Variants in TUSC3 observed in about 807,000 individuals in gnomAD.
TUSC3 encodes the protein tumor suppressor candidate 3, also known as dolichyl-diphosphooligosaccharide--protein glycosyltransferase subunit TUSC3.
TUSC3 carries 45 observed loss-of-function variants against 44.8 expected under a neutral mutation model. The observed-to-expected ratio is 1.00, with a 90% CI of 0.79 to 1.29. TUSC3 has a LOEUF of 1.29. Among genes scored for constraint, TUSC3 ranks in the 50% most tolerant of loss-of-function variants. The pLI, the probability that TUSC3 is intolerant of heterozygous loss-of-function variation, is 0.00. For synonymous variants in TUSC3, 212 were observed against 152.9 expected, an observed-to-expected ratio of 1.39 and a Z score of -2.85; for missense variants, 519 against 437.9, an observed-to-expected ratio of 1.19 and a Z score of -1.65.
At chr8:15,587,479 G>C (rs1235487627) in intron 1 of TUSC3, among the ~76,000 whole-genome samples, 1 of 152,082 alleles carries the variant, frequency 6.6e-6, no homozygotes, top group African/African-American at 2.4e-5. Context: ...AGTACGGAGT[G>C]ATATTTCCAT....
At chr8:15,615,066 C>A (rs1804932761) in intron 1 of TUSC3, among the ~76,000 whole-genome samples, 1 of 151,768 alleles carries the variant, frequency 6.6e-6, no homozygotes, top group South Asian at 2.1e-4. Context: ...TCTTTAAAAA[C>A]CAGAAATACA....
At chr8:15,826,565 T>C in the TUSC3 span, among the ~76,000 whole-genome samples, 1 of 152,198 alleles carries the variant, frequency 6.6e-6, no homozygotes, top group Admixed American at 6.5e-5. Context: ...GCTTGGATTT[T>C]TATCTGAGCT....
intron 1 of TUSC3, among the ~76,000 whole-genome samples, chr8:15,585,725 A>G (rs1189073305): frequency 6.6e-6 from 1 of 152,106 alleles, no homozygotes; most frequent in African/African-American, 2.4e-5. Context: ...TCACCTGTGT[A>G]GCCTTTTTTA....
At chr8:15,740,485 G>C (rs1811144121) in intron 7 of TUSC3, among the ~76,000 whole-genome samples, 1 of 147,106 alleles carries the variant, frequency 6.8e-6, no homozygotes. Flanking sequence ...TCCAAGTTAA[G>C]AAAAAGCAAC....
chr8:15,785,432 A>G, the TUSC3 span, among the ~76,000 whole-genome samples: 1 of 150,880 alleles, frequency 6.6e-6, no homozygotes, highest in Admixed American at 6.6e-5. Context: ...TACATTAATT[A>G]TTGTGGACAC....
chr8:15,745,314 G>T (rs554829251), intron 8 of TUSC3, among the ~76,000 whole-genome samples: 2 of 152,000 alleles, frequency 1.3e-5, no homozygotes, highest in East Asian at 3.9e-4. Context: ...TTTTTCTTTG[G>T]GTGTATACCC....
chr8:15,539,345 CTTTTTTTT>C (rs35685582), upstream of TUSC3, among the ~76,000 whole-genome samples: 174 of 69,402 alleles, frequency 2.5e-3, no homozygotes, highest in African/African-American at 0.01. Context: ...TGCTATGGTT[CTTTTTTTT>C]TTTTTTTTTT....
At chr8:15,495,509 C>G (rs530267597) in intron 2 of TUSC3, among the ~76,000 whole-genome samples, 3 of 152,290 alleles carry the variant, frequency 2.0e-5, no homozygotes, top group Middle Eastern at 3.4e-3. Context: ...CTACCTCTAG[C>G]AAGGCCCCAA....
intron 1 of TUSC3, among the ~76,000 whole-genome samples, chr8:15,448,182 G>T (rs575851140): frequency 7.0e-6 from 1 of 143,312 alleles, no homozygotes; most frequent in Non-Finnish European, 1.5e-5. Flanking sequence ...GCAGTGGCAC[G>T]ATCTCAGCTC....
rs772956757 is a variant in TUSC3, at chr8:15,743,520, C to A, written c.863-18C>A. On this transcript the variant is annotated intron_variant, in intron 7 of 10. Transcript: ENST00000503731. Reference sequence around the variant, plus strand: ...TTATTCACATCTATGTCTACGGCTTCCTTGACAACTACTGCAGATGCCGCT... The same window carrying A: ...TTATTCACATCTATGTCTACGGCTTACTTGACAACTACTGCAGATGCCGCT... The A allele has an allele frequency of 6.2e-7, 1 of 1,613,520 alleles. No homozygotes were observed. Among genetic ancestry groups the A allele is most frequent in the South Asian group, 1.1e-5 (1 of 91,074 alleles).
In TUSC3 at chr8:15,669,355, T is replaced by C. The variant is rs990653395; in HGVS notation, c.709-4392T>C. Reference sequence around the variant, plus strand: ...ATAATACTCACCTTAGGTAAACTTTTCTGTGAATAAAAAAAGAGGAAGTGC... The same window carrying C: ...ATAATACTCACCTTAGGTAAACTTTCCTGTGAATAAAAAAAGAGGAAGTGC... On this transcript the variant is annotated intron_variant, in intron 5 of 10. Coordinates refer to ENST00000503731, the MANE Select transcript of TUSC3 (RefSeq NM_006765.4). Among the ~76,000 whole-genome samples the C allele has an allele frequency of 2.0e-5, 3 of 151,770 alleles. No individual in the cohort carries two copies. The South Asian group carries it at 6.2e-4, about 31-fold the overall frequency.
upstream of TUSC3, among the ~76,000 whole-genome samples, chr8:15,535,375 C>T (rs1801507019): frequency 2.0e-5 from 3 of 152,142 alleles, no homozygotes; most frequent in Admixed American, 1.3e-4. Flanking sequence ...AGGAGAATGA[C>T]ATGATTAGTG....
chr8:15,523,558 T>C (rs952203198), intron 2 of TUSC3, among the ~76,000 whole-genome samples: 1 of 151,000 alleles, frequency 6.6e-6, no homozygotes, highest in African/African-American at 2.4e-5. Context: ...TGTTAAATAA[T>C]TTTTGCTTAA....
At chr8:15,604,879 G>A (rs775375237) in intron 1 of TUSC3, among the ~76,000 whole-genome samples, 10 of 151,784 alleles carry the variant, frequency 6.6e-5, no homozygotes, top group Non-Finnish European at 1.5e-4. Context: ...GGTTTTATTT[G>A]TTGGGCTTAT....
Position 15,423,969 on chromosome 8 carries a change from GTTTTTTTTT to G in TUSC3, n.91+6694_91+6702del, listed in dbSNP as rs112397215. On this transcript the variant is annotated intron_variant and non_coding_transcript_variant, in intron 1 of 5. Coordinates refer to the TUSC3 transcript ENST00000503191. ...TACAGCATTCATACTGTTTTGCTTT[GTTTTTTTTT>G]TTTTTTTTTTTTTTTTTTTTTTTTT... Among the ~76,000 whole-genome samples, 8 of 70,392 alleles carry G rather than the reference GTTTTTTTTT, an allele frequency of 1.1e-4. 2 individuals are homozygous for G. The highest frequency in any genetic ancestry group is 2.4e-4 in the African/African-American group (6 of 24,494). 46.2% of individuals were successfully genotyped at this position (70,392 alleles called of 152,430 possible).
At chr8:15,439,732 T>G (rs1799996449) in intron 1 of TUSC3, among the ~76,000 whole-genome samples, 1 of 152,194 alleles carries the variant, frequency 6.6e-6, no homozygotes, top group Non-Finnish European at 1.5e-5. Context: ...ACATACTGTG[T>G]TATCTCTTTT....
the TUSC3 span, among the ~76,000 whole-genome samples, chr8:15,825,945 GC>G: frequency 7.3e-6 from 1 of 137,922 alleles, no homozygotes; most frequent in Non-Finnish European, 1.5e-5. Context: ...AAAGAAATTT[GC>G]CTAGGGAAAT....
intron 2 of TUSC3, among the ~76,000 whole-genome samples, chr8:15,494,320 C>CTTTTTTT (rs71211045): frequency 7.3e-6 from 1 of 136,576 alleles, no homozygotes; most frequent in Non-Finnish European, 1.5e-5. Flanking sequence ...CTCTCATCTT[C>CTTTTTTT]TTTTTTTTTT....
intron 2 of TUSC3, among the ~76,000 whole-genome samples, chr8:15,522,432 C>T (rs1801311024): frequency 6.6e-6 from 1 of 151,974 alleles, no homozygotes; most frequent in Admixed American, 6.6e-5. Flanking sequence ...AGGGTTTCGC[C>T]ATGTTGGCCA....
Sources: allele counts gnomAD v4.1 joint callset (sites outside exome capture counted in the v4.1 genomes callset), GRCh38; gene constraint gnomAD v4.1.1; transcripts MANE v1.5; gene names NCBI Gene and HGNC (gene_info 2026-07-23, HGNC 2026-07-21).